POLR3A: variants seen among roughly 807,000 people sequenced by gnomAD.
POLR3A encodes the protein DNA-directed RNA polymerase III subunit RPC1.
A neutral mutation model predicts 152.8 loss-of-function variants in POLR3A; 112 were observed. The ratio of observed to expected loss-of-function variants is 0.73; its 90% CI spans 0.63 to 0.86. The LOEUF (loss-of-function observed/expected upper bound fraction) is 0.86. Ranked by LOEUF, POLR3A falls within the 40% of genes least tolerant of loss-of-function variation. The probability of loss-of-function intolerance (pLI) is 0.00; values close to 1 mark genes in which losing one functional copy is unlikely to be tolerated. For missense variants in POLR3A, 1,385 were observed against 1,743.1 expected, an observed-to-expected ratio of 0.79 and a Z score of 3.66; for synonymous variants, 615 against 652.1, an observed-to-expected ratio of 0.94 and a Z score of 0.87.
intron 17 of POLR3A, among the ~76,000 whole-genome samples, chr10:78,001,477 G>C (rs1296128800): frequency 2.0e-5 from 3 of 152,048 alleles, no homozygotes; most frequent in Non-Finnish European, 4.4e-5. Flanking sequence ...GAAAAGTGTG[G>C]GCTATGTCCT....
chr10:77,980,512 T>C (rs1446073014), intron 29 of POLR3A, among the ~76,000 whole-genome samples: 1 of 151,576 alleles, frequency 6.6e-6, no homozygotes, highest in African/African-American at 2.4e-5. Flanking sequence ...AATTGAGAAC[T>C]AGAATTCAGA....
intron 15 of POLR3A, among the ~76,000 whole-genome samples, chr10:78,005,666 G>A (rs1039095585): frequency 1.3e-5 from 2 of 152,218 alleles, no homozygotes; most frequent in African/African-American, 4.8e-5. Context: ...TGGAAATGAT[G>A]AATGTGCTGG....
chr10:78,000,362 A>G (rs1847345668), intron 18 of POLR3A, among the ~76,000 whole-genome samples: 1 of 152,162 alleles, frequency 6.6e-6, no homozygotes, highest in African/African-American at 2.4e-5. Flanking sequence ...GGCCCAAGAG[A>G]GGGAAACCTA....
intron 27 of POLR3A, 150 bp downstream of exon 27, chr10:77,982,503 C>G (rs1183797942): frequency 3.4e-6 from 3 of 886,778 alleles, no homozygotes; most frequent in Non-Finnish European, 5.5e-6. Flanking sequence ...TTTGATAGAA[C>G]AGAGAGGAAT....
chr10:77,999,263 C>A (rs1040584889), intron 19 of POLR3A, among the ~76,000 whole-genome samples: 1 of 151,950 alleles, frequency 6.6e-6, no homozygotes, highest in African/African-American at 2.4e-5. Flanking sequence ...CAAACCTGCA[C>A]GTTGTGCACA....
chr10:78,003,540 A>G (rs1564618446), intron 16 of POLR3A, among the ~76,000 whole-genome samples: 1 of 152,136 alleles, frequency 6.6e-6, no homozygotes. Context: ...ATAGTTTCAA[A>G]TGAGGGGCAG....
At position 77,985,908 on chromosome 10, in the gene POLR3A, G is replaced by T; in HGVS notation, c.3066C>A (p.Tyr1022Ter). ...CAAGACAAAAGCATCCCTACCTCAT[G>T]TACTTGTCCCTACAGGTCTCCAGAA... ...EKFLETCRDK[Y>*]MRAQMEPGSA... is the part of the protein sequence containing the mutation. Residue 1022 changes from tyrosine to a stop codon, truncating the protein, a stop_gained, in exon 23 of 31, where the codon TAC (tyrosine) becomes TAA (stop). Transcript: ENST00000372371. LOFTEE classifies it high-confidence loss of function. The T allele has an allele frequency of 6.2e-7, 1 of 1,612,602 alleles. No individual in the cohort carries two copies. The highest frequency in any genetic ancestry group is 8.5e-7 in the Non-Finnish European group (1 of 1,178,562).
At chr10:78,018,485 C>T (rs1303262419) in intron 9 of POLR3A, among the ~76,000 whole-genome samples, 1 of 147,372 alleles carries the variant, frequency 6.8e-6, no homozygotes, top group Non-Finnish European at 1.5e-5. Flanking sequence ...GGTAACACAG[C>T]AAGACTCTGT....
Position 77,993,244 on chromosome 10 carries a change from C to G in POLR3A, c.2740G>C (p.Gly914Arg). 1.2e-6 allele frequency: 2 copies of G among 1,613,698 alleles called. No individual in the cohort carries two copies. Among genetic ancestry groups the G allele is most frequent in the Non-Finnish European group, 1.7e-6 (2 of 1,179,676 alleles). The change falls in exon 20 of 31, where the codon GGA becomes CGA. Residue 914 changes from glycine (G) to arginine (R), a missense_variant. Coordinates refer to ENST00000372371, the MANE Select transcript of POLR3A (RefSeq NM_007055.4). ...TTAAACTCCAAAGGTTCATCTTTTC[C>G]CTCCATAGCTGCAGGATCTAAGCCA... ...GDGLDPAAME[G>R]KDEPLEFKRV...
At position 78,000,967 on chromosome 10, in the gene POLR3A, A is replaced by C; in HGVS notation, c.2478+9T>G. Reference sequence around the variant, plus strand: ...TCTTCACAGTTCTACCTGATCTGCTACTGCTTACCTTTGAGTGTTTTTCAA... The same window carrying C: ...TCTTCACAGTTCTACCTGATCTGCTCCTGCTTACCTTTGAGTGTTTTTCAA... On this transcript the variant is annotated intron_variant, in intron 18 of 30. Coordinates refer to ENST00000372371, the MANE Select transcript of POLR3A (RefSeq NM_007055.4). 2 of 1,389,898 alleles carry C rather than the reference A, an allele frequency of 1.4e-6. No homozygotes were observed. The highest frequency in any genetic ancestry group is 2.0e-6 in the Non-Finnish European group (2 of 981,156). The allele number at this position is 1,389,898 out of a possible 1,614,324, so 86.1% of individuals were successfully genotyped here. A position where few individuals can be genotyped will look rare whatever the true frequency, so the allele number is the denominator to read the frequency against.
intron 5 of POLR3A, 83 bp downstream of exon 5, chr10:78,024,466 G>A: frequency 6.9e-7 from 1 of 1,454,962 alleles, no homozygotes; most frequent in Non-Finnish European, 9.5e-7. Flanking sequence ...GTGGGGCGGA[G>A]TTGGGGGAGA....
Position 78,025,676 on chromosome 10 carries a change from C to T in POLR3A, c.264G>A (p.Leu88=). ...ACCCTACATGAAAACACGGCAACTC[C>T]AGGTCGATATACCCATAGTGGCCTA... ...DCLGHYGYID[L]ELPCFHVGYF... Residue 88 remains leucine, a synonymous_variant, in exon 3 of 31, where the codon CTG becomes CTA. Coordinates refer to ENST00000372371, the MANE Select transcript of POLR3A (RefSeq NM_007055.4). 1 of 1,614,088 alleles carries T rather than the reference C, an allele frequency of 6.2e-7. No individual in the cohort carries two copies. Among genetic ancestry groups the T allele is most frequent in the Non-Finnish European group, 8.5e-7 (1 of 1,179,966 alleles).
intron 15 of POLR3A, among the ~76,000 whole-genome samples, chr10:78,005,357 T>C (rs530613193): frequency 6.6e-6 from 1 of 152,350 alleles, no homozygotes; most frequent in Admixed American, 6.5e-5. Flanking sequence ...CACATGCCAG[T>C]AGTCCCAGCT....
Position 78,025,011 on chromosome 10 carries a change from G to A in POLR3A, c.450C>T (p.Cys150=), listed in dbSNP as rs370305957. Residue 150 remains cysteine, a synonymous_variant, in exon 4 of 31, where the codon TGC becomes TGT. Transcript: ENST00000372371. ...RGLKKKISDK[C]RKKNICHHCG... is the part of the protein sequence containing the mutation. ...AGTGATGGCAGATGTTTTTCTTCCG[G>A]CACTTGTCAGAGATTTTCTTTTTCA... 2 of 1,614,036 alleles carry A rather than the reference G, an allele frequency of 1.2e-6. No homozygotes were observed. Among genetic ancestry groups the A allele is most frequent in the African/African-American group, 2.7e-5 (2 of 74,900 alleles).
rs1032853209 is a variant in POLR3A at position 77,991,144 on chromosome 10, C to A, written c.2811G>T (p.Glu937Asp). ...NIKAVFPCPS[E>D]PALSKNELIL... is the part of the protein sequence containing the mutation. The stretch of plus-strand genomic sequence containing the variant: ...TCAGCTCGTTTTTGCTGAGAGCAGG[C>A]TCACTGGGACACGGGAAGACTGCCT... The change falls in exon 21 of 31, where the codon GAG becomes GAT. Residue 937 changes from glutamate (E) to aspartate (D), a missense_variant. By Grantham distance (45) the Glu-to-Asp change is conservative. Transcript: ENST00000372371. The A allele has an allele frequency of 6.2e-7, 1 of 1,612,206 alleles. No homozygotes were observed. Among genetic ancestry groups the A allele is most frequent in the Admixed American group, 1.7e-5 (1 of 59,994 alleles).
At position 77,977,389 on chromosome 10, in the gene POLR3A, C is replaced by T; in HGVS notation, c.*89G>A. 1 of 1,412,878 alleles carries T rather than the reference C, an allele frequency of 7.1e-7. No homozygotes were observed. Among genetic ancestry groups the T allele is most frequent in the East Asian group, 2.3e-5 (1 of 43,904 alleles). 87.5% of individuals were successfully genotyped at this position (1,412,878 alleles called of 1,614,324 possible). A position where few individuals can be genotyped will look rare whatever the true frequency, so the allele number is the denominator to read the frequency against. ...CTGGCATAGGTGGGGACCTCAGGACCCCCGTCCCAGGGAGCACAAAACTCT... is the reference window on the plus strand; with the variant it reads ...CTGGCATAGGTGGGGACCTCAGGACTCCCGTCCCAGGGAGCACAAAACTCT... On this transcript the variant is annotated 3_prime_UTR_variant, in exon 31 of 31. Transcript: ENST00000372371.
chr10:78,012,822 A>G (rs1395879597), intron 11 of POLR3A, among the ~76,000 whole-genome samples: 1 of 152,128 alleles, frequency 6.6e-6, no homozygotes, highest in Non-Finnish European at 1.5e-5. Flanking sequence ...CCTGGGACCA[A>G]GCAATCCTCC....
At chr10:77,979,748 C>A (rs1432233674) in intron 30 of POLR3A, among the ~76,000 whole-genome samples, 1 of 152,220 alleles carries the variant, frequency 6.6e-6, no homozygotes, top group East Asian at 1.9e-4. Flanking sequence ...CTCCCAAGGA[C>A]AGTAGGACAC....
At position 78,025,047 on chromosome 10, in the gene POLR3A, C is replaced by T. The variant is rs758187865; in HGVS notation, c.414G>A (p.Gln138=). ...YLKRPGLTYL[Q]KRGLKKKISD... ...AGATTTTCTTTTTCAGTCCTCGCTTCTGAAGGTAGGTCAGGCCGGGCCTCT... is the reference window on the plus strand; with the variant it reads ...AGATTTTCTTTTTCAGTCCTCGCTTTTGAAGGTAGGTCAGGCCGGGCCTCT... Residue 138 remains glutamine, a synonymous_variant, in exon 4 of 31, where the codon CAG becomes CAA. Coordinates refer to ENST00000372371, the MANE Select transcript of POLR3A (RefSeq NM_007055.4). The T allele has an allele frequency of 1.2e-6, 2 of 1,614,102 alleles. No individual in the cohort carries two copies. Among genetic ancestry groups the T allele is most frequent in the African/African-American group, 2.7e-5 (2 of 74,940 alleles).
Sources: allele counts gnomAD v4.1 joint callset (sites outside exome capture counted in the v4.1 genomes callset), GRCh38; gene constraint gnomAD v4.1.1; transcripts MANE v1.5; gene names NCBI Gene and HGNC (gene_info 2026-07-23, HGNC 2026-07-21).